Variants in GLI3 observed in about 807,000 individuals in gnomAD.
GLI3 encodes the protein GLI family zinc finger 3, also known as transcription activator GLI3.
Under a neutral mutation model 100.8 loss-of-function variants are expected in GLI3, and 20 were observed. That is an observed-to-expected ratio of 0.20 (90% CI 0.14 to 0.29). The LOEUF (loss-of-function observed/expected upper bound fraction) is 0.29. Among genes scored for constraint, GLI3 ranks in the 10% least tolerant of loss-of-function variants. The pLI is 1.00. For missense variants in GLI3, 2,040 were observed against 2,128.5 expected, an observed-to-expected ratio of 0.96 and a Z score of 0.82; for synonymous variants, 938 against 860.5, an observed-to-expected ratio of 1.09 and a Z score of -1.58.
chr7:42,110,493 T>C (rs1018529370), intron 3 of GLI3, among the ~76,000 whole-genome samples: 2 of 152,182 alleles, frequency 1.3e-5, no homozygotes, highest in African/African-American at 4.8e-5. Flanking sequence ...TACAATCACC[T>C]ACTTTAAAAC....
intron 11 of GLI3, 26 bp downstream of exon 11, chr7:41,978,573 T>A (rs1787571012): frequency 6.2e-7 from 1 of 1,610,810 alleles, no homozygotes; most frequent in African/African-American, 1.3e-5. Flanking sequence ...GACCCAAGTG[T>A]GCCTGCCACC....
At chr7:42,206,481 T>G (rs1788156513) in intron 2 of GLI3, among the ~76,000 whole-genome samples, 1 of 152,144 alleles carries the variant, frequency 6.6e-6, no homozygotes, top group Non-Finnish European at 1.5e-5. Flanking sequence ...TCCATCTTGT[T>G]CCCTTTCCAC....
chr7:42,257,315 C>T lies in GLI3; in HGVS notation c.-43+6679G>A, dbSNP rs193151095. 1.2e-4 allele frequency among the ~76,000 whole-genome samples: 18 copies of T among 150,884 alleles called. 1 individual carries two copies. In the East Asian group the frequency reaches 3.3e-3, roughly 28 times the overall value. On this transcript the variant is annotated intron_variant, in intron 1 of 2. Coordinates refer to the GLI3 transcript ENST00000678978. ...CTGGTGCAATGTTGAATGACAGCAG[C>T]AAAAGCAGGCCCCTGATATTAGGTG...
chr7:42,132,238 C>T (rs1172602209), intron 3 of GLI3, among the ~76,000 whole-genome samples: 3 of 151,230 alleles, frequency 2.0e-5, no homozygotes, highest in Non-Finnish European at 4.4e-5. Context: ...GTAGCTGGGA[C>T]TACAGGCGCC....
Position 41,964,600 on chromosome 7 carries a change from C to T in GLI3, c.4473G>A (p.Val1491=). 1 of 1,614,168 alleles carries T rather than the reference C, an allele frequency of 6.2e-7. No individual in the cohort carries two copies. Among genetic ancestry groups the T allele is most frequent in the Non-Finnish European group, 8.5e-7 (1 of 1,179,984 alleles). The change falls in exon 15 of 15, where the codon GTG becomes GTA. Residue 1491 remains valine (V), a synonymous_variant. Coordinates refer to ENST00000395925, the MANE Select transcript of GLI3 (RefSeq NM_000168.6). The part of the protein sequence containing the change: ...SPGANQVTST[V]DSLDSHDLEG... The stretch of plus-strand genomic sequence containing the variant: ...CCAGGTCATGGCTGTCGAGGCTGTC[C>T]ACTGTGCTTGTCACCTGATTAGCAC...
At chr7:41,982,671 C>T (rs1198378161) in intron 10 of GLI3, among the ~76,000 whole-genome samples, 1 of 145,944 alleles carries the variant, frequency 6.9e-6, no homozygotes, top group African/African-American at 2.6e-5. Context: ...TACTGCACTC[C>T]AGCCTGGGAG....
At chr7:42,086,984 G>T (rs980383799) in intron 3 of GLI3, among the ~76,000 whole-genome samples, 2 of 152,150 alleles carry the variant, frequency 1.3e-5, no homozygotes, top group Non-Finnish European at 2.9e-5. Flanking sequence ...CTGCCAGGGT[G>T]CACACACCCA....
chr7:42,087,163 T>C (rs1194723941), intron 3 of GLI3, among the ~76,000 whole-genome samples: 1 of 152,190 alleles, frequency 6.6e-6, no homozygotes, highest in East Asian at 1.9e-4. Flanking sequence ...ATGACAGTGG[T>C]GGACCAGGCT....
chr7:42,120,523 G>A (rs1245480485), intron 3 of GLI3, among the ~76,000 whole-genome samples: 1 of 152,204 alleles, frequency 6.6e-6, no homozygotes, highest in Non-Finnish European at 1.5e-5. Flanking sequence ...TTTGCTTTCC[G>A]TTGTGGGATG....
chr7:42,222,716 T>C (rs1173899067), intron 2 of GLI3: 3 of 198,642 alleles, frequency 1.5e-5, no homozygotes, highest in African/African-American at 7.0e-5. Flanking sequence ...AAAGTTGGGG[T>C]TGGAGGAGAC....
chr7:42,083,623 T>C (rs1184555623), intron 3 of GLI3, among the ~76,000 whole-genome samples: 3 of 152,230 alleles, frequency 2.0e-5, no homozygotes. Flanking sequence ...ACAAACCCTA[T>C]TCCAGTGTAC....
intron 10 of GLI3, among the ~76,000 whole-genome samples, chr7:41,991,079 A>G (rs1787974970): frequency 6.6e-6 from 1 of 152,222 alleles, no homozygotes; most frequent in African/African-American, 2.4e-5. Flanking sequence ...TATGACAGTT[A>G]CTGTGCTCAA....
At chr7:42,094,322 A>G (rs1041317015) in intron 3 of GLI3, among the ~76,000 whole-genome samples, 2 of 152,132 alleles carry the variant, frequency 1.3e-5, no homozygotes, top group African/African-American at 4.8e-5. Flanking sequence ...AATTCACTAG[A>G]CAGGGTGTGG....
intron 2 of GLI3, chr7:42,172,435 A>G (rs1044913122): frequency 9.5e-6 from 6 of 628,644 alleles, no homozygotes; most frequent in Admixed American, 7.4e-5. Flanking sequence ...AGAATTAGAT[A>G]GTAAGATGAA....
At chr7:42,260,042 C>T (rs1364753795) in intron 1 of GLI3, among the ~76,000 whole-genome samples, 2 of 152,148 alleles carry the variant, frequency 1.3e-5, no homozygotes, top group African/African-American at 2.4e-5. Flanking sequence ...AAAATGCTGA[C>T]TCAAAATGCC....
chr7:42,114,677 C>A (rs1315146824), intron 3 of GLI3, among the ~76,000 whole-genome samples: 1 of 152,030 alleles, frequency 6.6e-6, no homozygotes, highest in Non-Finnish European at 1.5e-5. Flanking sequence ...TATGTGTGTG[C>A]AGGTCGGGGA....
chr7:42,088,892 G>A (rs1024829109), intron 3 of GLI3, among the ~76,000 whole-genome samples: 4 of 152,172 alleles, frequency 2.6e-5, no homozygotes, highest in Non-Finnish European at 4.4e-5. Context: ...GCGCACTTCC[G>A]CTTCTGCAGC....
At chr7:42,260,588 TTTA>T (rs1789127737) in intron 1 of GLI3, among the ~76,000 whole-genome samples, 1 of 152,236 alleles carries the variant, frequency 6.6e-6, no homozygotes, top group African/African-American at 2.4e-5. Flanking sequence ...GTTCATTTTC[TTTA>T]TTATATAATT....
chr7:42,147,605 C>A (rs1786745823), intron 3 of GLI3, among the ~76,000 whole-genome samples: 1 of 152,214 alleles, frequency 6.6e-6, no homozygotes, highest in African/African-American at 2.4e-5. Flanking sequence ...CCATCCCATA[C>A]ATGAGTTCAG....
Sources: allele counts gnomAD v4.1 joint callset (sites outside exome capture counted in the v4.1 genomes callset), GRCh38; gene constraint gnomAD v4.1.1; transcripts MANE v1.5; gene names NCBI Gene and HGNC (gene_info 2026-07-23, HGNC 2026-07-21).